Variants in SLC5A3 observed in about 807,000 individuals in gnomAD.
SLC5A3 encodes sodium/myo-inositol cotransporter.
In SLC5A3, 10 loss-of-function variants were observed where a neutral mutation model predicts 43.2. The observed-to-expected ratio is 0.23, with a 90% confidence interval of 0.14 to 0.39. The LOEUF is 0.39. SLC5A3 is among the 10% of genes least tolerant of loss of function. SLC5A3 has a pLI of 1.00. For synonymous variants in SLC5A3, 349 were observed against 322.0 expected, an observed-to-expected ratio of 1.08 and a Z score of -0.90; for missense variants, 608 against 893.4, an observed-to-expected ratio of 0.68 and a Z score of 4.07.
chr21:34,074,290 C>G (rs774425042), intron 1 of SLC5A3, among the ~76,000 whole-genome samples: 11 of 152,066 alleles, frequency 7.2e-5, no homozygotes, highest in Non-Finnish European at 1.2e-4. Context: ...TTGTTTGTGC[C>G]GTTGTCTGTA....
At chr21:34,076,445 T>C (rs189647228) in intron 1 of SLC5A3, among the ~76,000 whole-genome samples, 1 of 152,240 alleles carries the variant, frequency 6.6e-6, no homozygotes, top group Non-Finnish European at 1.5e-5. Context: ...GTCAGTCATA[T>C]TGAACTATAC....
intron 1 of SLC5A3, among the ~76,000 whole-genome samples, chr21:34,093,874 T>C (rs1443861016): frequency 1.3e-5 from 2 of 152,208 alleles, no homozygotes; most frequent in Non-Finnish European, 2.9e-5. Flanking sequence ...TGAAGATTTA[T>C]CTAATGGTCC....
Position 34,095,976 on chromosome 21 carries a change from C to T in SLC5A3, c.778C>T (p.Pro260Ser). ...GCGGAATCCAACAGATGAAGATGTT[C>T]CTTGGCCTGGATTCATTCTTGGGCA... is the stretch of plus-strand genomic sequence containing the variant. The part of the protein sequence containing the change: ...MLRNPTDEDV[P>S]WPGFILGQTP... The change falls in exon 2 of 2, where the codon CCT (proline) becomes TCT (serine). Residue 260 changes from proline (P) to serine (S), a missense_variant. This residue lies in a region of SLC5A3 where 398 missense variants were observed against 668.6 expected (regional missense o/e 0.60). Transcript: ENST00000381151. 1 of 1,614,120 alleles carries T rather than the reference C, an allele frequency of 6.2e-7. No homozygotes were observed. The highest frequency in any genetic ancestry group is 8.5e-7 in the Non-Finnish European group (1 of 1,179,992).
intron 1 of SLC5A3, among the ~76,000 whole-genome samples, chr21:34,076,358 G>T (rs1989330854): frequency 1.3e-5 from 2 of 152,140 alleles, no homozygotes; most frequent in Non-Finnish European, 2.9e-5. Flanking sequence ...CCCTGTGTTG[G>T]CTGTCACAGT....
At chr21:34,093,552 T>C (rs1205554236) in intron 1 of SLC5A3, among the ~76,000 whole-genome samples, 1 of 152,126 alleles carries the variant, frequency 6.6e-6, no homozygotes, top group Non-Finnish European at 1.5e-5. Flanking sequence ...TTTAGTATAA[T>C]TTATAGGACT....
intron 1 of SLC5A3, among the ~76,000 whole-genome samples, chr21:34,079,605 T>A (rs1989414497): frequency 5.5e-5 from 1 of 18,240 alleles, no homozygotes; most frequent in South Asian, 1.6e-3. Context: ...CCAGCTAATT[T>A]TTTTTTTTTT....
chr21:34,101,015 G>T lies in SLC5A3; in HGVS notation c.*3660G>T. The T allele has an allele frequency of 1.0e-5, 10 of 1,000,162 alleles. No individual in the cohort carries two copies. Among genetic ancestry groups the T allele is most frequent in the Non-Finnish European group, 1.1e-5 (9 of 829,940 alleles). The allele number at this position is 1,000,162 out of a possible 1,614,324, so 62.0% of individuals were successfully genotyped here. ...TGACTGGAAAGGGATCACATGGGTC[G>T]TTGGTGGTGACACCTCACTGTTTCC... On this transcript the variant is annotated 3_prime_UTR_variant, in exon 2 of 2. Coordinates refer to ENST00000381151, the MANE Select transcript of SLC5A3 (RefSeq NM_006933.7).
chr21:34,103,450 A>T lies in SLC5A3; in HGVS notation c.*6095A>T. The T allele has an allele frequency of 1.0e-6, 1 of 998,950 alleles. No homozygotes were observed. Among genetic ancestry groups the T allele is most frequent in the Non-Finnish European group, 1.2e-6 (1 of 828,794 alleles). The allele number at this position is 998,950 out of a possible 1,614,324, so 61.9% of individuals were successfully genotyped here. On this transcript the variant is annotated 3_prime_UTR_variant, in exon 2 of 2. Transcript: ENST00000381151. ...TCTTTTATATCCATTAAAAACTTAA[A>T]GTTACTTATGTTCTGTGATCTTAAT...
chr21:34,074,056 C>T (rs896740787), intron 1 of SLC5A3, among the ~76,000 whole-genome samples: 9 of 145,594 alleles, frequency 6.2e-5, no homozygotes, highest in Non-Finnish European at 1.1e-4. Context: ...GATCCCGGCG[C>T]CGGCCCGCGG....
chr21:34,085,714 T>C (rs1602912981), intron 1 of SLC5A3, among the ~76,000 whole-genome samples: 1 of 151,562 alleles, frequency 6.6e-6, no homozygotes, highest in East Asian at 2.0e-4. Context: ...GCCATTCTCC[T>C]GCCTCAGCCC....
At chr21:34,088,783 TATCTC>T (rs1016985592) in intron 1 of SLC5A3, among the ~76,000 whole-genome samples, 2 of 152,222 alleles carry the variant, frequency 1.3e-5, no homozygotes, top group African/African-American at 2.4e-5. Flanking sequence ...TAATTGTACT[TATCTC>T]ATGATTGTTA....
intron 1 of SLC5A3, among the ~76,000 whole-genome samples, chr21:34,074,175 T>TGGTCCGTCCCGCTCCGCCGCCC (rs1269262689): frequency 6.7e-5 from 10 of 149,548 alleles, no homozygotes; most frequent in African/African-American, 2.4e-4. Context: ...CGCCGCCGCC[T>TGGTCCGTCCCGCTCCGCCGCCC]GGTCCGTCCC....
At position 34,100,752 on chromosome 21, in the gene SLC5A3, G is replaced by T; in HGVS notation, c.*3397G>T. The T allele has an allele frequency of 1.0e-6, 1 of 999,992 alleles. No individual in the cohort carries two copies. Among genetic ancestry groups the T allele is most frequent in the African/African-American group, 1.7e-5 (1 of 57,320 alleles). 61.9% of individuals were successfully genotyped at this position (999,992 alleles called of 1,614,324 possible). A position where few individuals can be genotyped will look rare whatever the true frequency, so the allele number is the denominator to read the frequency against. ...GAGCCAATAGAGTGTGTCTGTATTC[G>T]CAGTCCATGGCTCATTTTCTTTATA... On this transcript the variant is annotated 3_prime_UTR_variant, in exon 2 of 2. Coordinates refer to ENST00000381151, the MANE Select transcript of SLC5A3 (RefSeq NM_006933.7).
chr21:34,090,470 A>G (rs16991188), intron 1 of SLC5A3, among the ~76,000 whole-genome samples: 1,757 of 152,328 alleles, frequency 0.012, 38 homozygotes, highest in South Asian at 0.081. Context: ...GTAGGAGCTA[A>G]TAGTTGATGA....
chr21:34,104,558 A>C lies in SLC5A3; in HGVS notation c.*7203A>C, dbSNP rs191566121. On this transcript the variant is annotated 3_prime_UTR_variant, in exon 2 of 2. Transcript: ENST00000381151. ...CTCTAATATATCTAGAAGGAAGACT[A>C]TATCTGGTGTAGACTAATATGAGAT... is the stretch of plus-strand genomic sequence containing the variant. 1.0e-6 allele frequency: 1 copy of C among 998,786 alleles called. No homozygotes were observed. The highest frequency in any genetic ancestry group is 1.7e-5 in the African/African-American group (1 of 57,204). 61.9% of individuals were successfully genotyped at this position (998,786 alleles called of 1,614,324 possible).
At chr21:34,073,857 C>T (rs1305871928) in intron 1 of SLC5A3, 112 bp downstream of exon 1, 2 of 539,922 alleles carry the variant, frequency 3.7e-6, no homozygotes, top group East Asian at 8.0e-5. Flanking sequence ...CTGCACTCCT[C>T]GGAGGAGGCC....
Position 34,103,327 on chromosome 21 carries a change from A to AAAAAAAG in SLC5A3, c.*5976_*5977insAAGAAAA. The AAAAAAAG allele has an allele frequency of 1.0e-6, 1 of 999,106 alleles. No homozygotes were observed. Among genetic ancestry groups the AAAAAAAG allele is most frequent in the South Asian group, 4.7e-5 (1 of 21,250 alleles). 61.9% of individuals were successfully genotyped at this position (999,106 alleles called of 1,614,324 possible). ...CTAGTGAAGGAAGTAAAAAAAAAAA[A>AAAAAAAG]AAAACATGCATTACATTGACATACT... On this transcript the variant is annotated 3_prime_UTR_variant, in exon 2 of 2. Coordinates refer to ENST00000381151, the MANE Select transcript of SLC5A3 (RefSeq NM_006933.7).
At chr21:34,094,235 G>A (rs543869461) in intron 1 of SLC5A3, among the ~76,000 whole-genome samples, 1 of 152,182 alleles carries the variant, frequency 6.6e-6, no homozygotes, top group South Asian at 2.1e-4. Context: ...TTAGGGCAGG[G>A]GGCGTCTCAC....
rs1979351425 is a variant in SLC5A3, at chr21:34,103,714, C to T, written c.*6359C>T. 1.0e-6 allele frequency: 1 copy of T among 999,880 alleles called. No homozygotes were observed. The highest frequency in any genetic ancestry group is 6.2e-5 in the Admixed American group (1 of 16,246). 61.9% of individuals were successfully genotyped at this position (999,880 alleles called of 1,614,324 possible). A position where few individuals can be genotyped will look rare whatever the true frequency, so the allele number is the denominator to read the frequency against. ...CTATGAGCACTACAGTATTGATAAG[C>T]CCAAGACAATGCGGTATCTAAACTG... is the stretch of plus-strand genomic sequence containing the variant. On this transcript the variant is annotated 3_prime_UTR_variant, in exon 2 of 2. Transcript: ENST00000381151.
Sources: allele counts gnomAD v4.1 joint callset (sites outside exome capture counted in the v4.1 genomes callset), GRCh38; gene constraint gnomAD v4.1.1; regional missense constraint gnomAD v4.1.1; transcripts MANE v1.5; gene names NCBI Gene and HGNC (gene_info 2026-07-23, HGNC 2026-07-21).